Variants in RERG observed in about 807,000 individuals in gnomAD.
The protein encoded by RERG is RAS like estrogen regulated growth inhibitor.
A neutral mutation model predicts 23.2 loss-of-function variants in RERG; 25 were observed. That is an observed-to-expected ratio of 1.08 (90% confidence interval 0.79 to 1.50). The LOEUF is 1.50. Ranked by LOEUF, RERG falls within the 40% of genes most tolerant of loss-of-function variation. The probability of loss-of-function intolerance (pLI) is 0.00; values close to 1 mark genes in which losing one functional copy is unlikely to be tolerated. For missense variants in RERG, 253 were observed against 250.1 expected (o/e 1.01, Z -0.08); for synonymous variants, 81 against 89.1 (o/e 0.91, Z 0.51).
intron 2 of RERG, among the ~76,000 whole-genome samples, chr12:15,174,795 T>C (rs1864824976): frequency 6.6e-6 from 1 of 152,072 alleles, no homozygotes; most frequent in Admixed American, 6.6e-5. Context: ...AATACCAGAA[T>C]TTCTATTTTG....
At chr12:15,117,684 C>T (rs1272247835) in intron 3 of RERG, among the ~76,000 whole-genome samples, 2 of 151,168 alleles carry the variant, frequency 1.3e-5, no homozygotes, top group African/African-American at 4.9e-5. Context: ...CGCACACACA[C>T]ACACACACAC....
rs953176797 is a variant in RERG at position 15,121,098 on chromosome 12, G to A, written c.83C>T (p.Thr28Ile). 2 of 1,613,380 alleles carry A rather than the reference G, an allele frequency of 1.2e-6. No individual in the cohort carries two copies. Among genetic ancestry groups the A allele is most frequent in the Non-Finnish European group, 1.7e-6 (2 of 1,179,514 alleles). Reference sequence around the variant, plus strand: ...ATCATATTCCCAGATGAACCGTTTGGTCAGAAATCTCACTACAAGAGCTGT... The same window carrying A: ...ATCATATTCCCAGATGAACCGTTTGATCAGAAATCTCACTACAAGAGCTGT... ...GKSALVVRFLTKRFIWEYDPT... is the reference protein window; with the variant it reads ...GKSALVVRFLIKRFIWEYDPT... Residue 28 changes from threonine to isoleucine, a missense_variant, in exon 3 of 5, where the codon ACC (threonine) becomes ATC (isoleucine). Transcript: ENST00000256953.
intron 2 of RERG, among the ~76,000 whole-genome samples, chr12:15,186,167 C>G (rs191749876): frequency 6.6e-6 from 1 of 151,784 alleles, no homozygotes; most frequent in African/African-American, 2.4e-5. Flanking sequence ...AATAGATAAG[C>G]TTTCTCTTAT....
At chr12:15,190,039 T>C (rs1591663965) in intron 2 of RERG, among the ~76,000 whole-genome samples, 1 of 152,186 alleles carries the variant, frequency 6.6e-6, no homozygotes, top group Non-Finnish European at 1.5e-5. Flanking sequence ...GGGTACAGTA[T>C]ATGAAGTCCA....
intron 3 of RERG, among the ~76,000 whole-genome samples, chr12:15,112,803 A>G (rs1468170127): frequency 6.6e-6 from 1 of 152,218 alleles, no homozygotes; most frequent in Non-Finnish European, 1.5e-5. Context: ...AATAAAATAC[A>G]TAGAGGAGTG....
rs1863546156 is a variant in RERG, at chr12:15,108,887, C to T, written c.*223G>A. On this transcript the variant is annotated 3_prime_UTR_variant, in exon 5 of 5. Coordinates refer to ENST00000256953, the MANE Select transcript of RERG (RefSeq NM_032918.3). ...TCTCTGGTGATTACATGTTCAAATG[C>T]CATTAGAGTGTATCTTATTCAAGCA... The T allele has an allele frequency of 2.1e-6, 1 of 482,098 alleles. No homozygotes were observed. Among genetic ancestry groups the T allele is most frequent in the Non-Finnish European group, 3.6e-6 (1 of 277,108 alleles). 29.9% of individuals were successfully genotyped at this position (482,098 alleles called of 1,614,324 possible).
At chr12:15,179,905 G>A (rs1864901291) in intron 2 of RERG, among the ~76,000 whole-genome samples, 1 of 152,174 alleles carries the variant, frequency 6.6e-6, no homozygotes, top group Admixed American at 6.6e-5. Context: ...CATGTTACAG[G>A]ACATCACAAG....
chr12:15,215,654 AG>A (rs1423512904), intron 2 of RERG, among the ~76,000 whole-genome samples: 1 of 152,214 alleles, frequency 6.6e-6, no homozygotes, highest in Non-Finnish European at 1.5e-5. Context: ...TAAGACAGTA[AG>A]GGAAGAACCC....
chr12:15,184,635 A>ACAGC (rs1864966367), intron 2 of RERG, among the ~76,000 whole-genome samples: 1 of 152,204 alleles, frequency 6.6e-6, no homozygotes, highest in South Asian at 2.1e-4. Context: ...TGAAGTGATG[A>ACAGC]ATTTAATAGC....
Position 15,121,119 on chromosome 12 carries a change from G to C in RERG, c.62C>G (p.Ala21Gly). 1.2e-6 allele frequency: 2 copies of C among 1,612,204 alleles called. No individual in the cohort carries two copies. The highest frequency in any genetic ancestry group is 1.7e-6 in the Non-Finnish European group (2 of 1,178,526). ...IFGRAGVGKS[A>G]LVVRFLTKRF... Reference sequence around the variant, plus strand: ...TTTGGTCAGAAATCTCACTACAAGAGCTGTGGAAGAAAAGAGCAACATTTC... The same window carrying C: ...TTTGGTCAGAAATCTCACTACAAGACCTGTGGAAGAAAAGAGCAACATTTC... The change falls in exon 3 of 5, where the codon GCT becomes GGT. Residue 21 changes from alanine (A) to glycine (G), a missense_variant and splice_region_variant. Physicochemically the swap from Ala to Gly is moderately conservative, Grantham distance 60. Transcript: ENST00000256953.
intron 2 of RERG, among the ~76,000 whole-genome samples, chr12:15,142,786 A>T (rs77020249): frequency 6.6e-6 from 1 of 152,114 alleles, no homozygotes; most frequent in Non-Finnish European, 1.5e-5. Context: ...CCTAAAAAAA[A>T]CCCCTGAAAT....
intron 2 of RERG, among the ~76,000 whole-genome samples, chr12:15,162,395 G>A (rs1453797903): frequency 6.6e-6 from 1 of 152,128 alleles, no homozygotes; most frequent in East Asian, 1.9e-4. Flanking sequence ...GAGAGCTTGG[G>A]CATATAAATA....
intron 2 of RERG, among the ~76,000 whole-genome samples, chr12:15,123,337 A>G (rs1185525256): frequency 6.6e-6 from 1 of 151,804 alleles, no homozygotes; most frequent in Non-Finnish European, 1.5e-5. Context: ...TCAGTTAAGA[A>G]CCTTGGTTAG....
chr12:15,156,251 G>C (rs1864520715), intron 2 of RERG, among the ~76,000 whole-genome samples: 1 of 152,140 alleles, frequency 6.6e-6, no homozygotes, highest in Non-Finnish European at 1.5e-5. Flanking sequence ...ACTGTGATTT[G>C]TTTCTACATT....
At chr12:15,149,533 CA>C (rs1225192735) in intron 2 of RERG, among the ~76,000 whole-genome samples, 1 of 152,074 alleles carries the variant, frequency 6.6e-6, no homozygotes, top group African/African-American at 2.4e-5. Context: ...TGTTCATTAA[CA>C]ATACTAGTTC....
chr12:15,174,680 A>G (rs1196235709), intron 2 of RERG, among the ~76,000 whole-genome samples: 2 of 152,038 alleles, frequency 1.3e-5, no homozygotes, highest in African/African-American at 2.4e-5. Context: ...ACAATGGATA[A>G]TATCAATTGA....
chr12:15,196,319 C>G (rs1156980200), intron 2 of RERG, among the ~76,000 whole-genome samples: 1 of 152,160 alleles, frequency 6.6e-6, no homozygotes, highest in African/African-American at 2.4e-5. Flanking sequence ...ACCATCTCTT[C>G]TGACTGAAGA....
intron 2 of RERG, among the ~76,000 whole-genome samples, chr12:15,140,538 T>C (rs996465241): frequency 1.0e-4 from 15 of 144,278 alleles, no homozygotes; most frequent in Non-Finnish European, 2.0e-4. Context: ...TTCTGGCCTA[T>C]GTAATGTTTT....
intron 2 of RERG, among the ~76,000 whole-genome samples, chr12:15,158,244 T>C (rs1864551371): frequency 6.6e-6 from 1 of 152,092 alleles, no homozygotes; most frequent in Non-Finnish European, 1.5e-5. Flanking sequence ...TTATAACTCT[T>C]TACACTCTTT....
Sources: allele counts gnomAD v4.1 joint callset (sites outside exome capture counted in the v4.1 genomes callset), GRCh38; gene constraint gnomAD v4.1.1; transcripts MANE v1.5; gene names NCBI Gene and HGNC (gene_info 2026-07-23, HGNC 2026-07-21).